Variants in GOLPH3L observed in about 807,000 individuals in gnomAD.
GOLPH3L encodes golgi phosphoprotein 3 like, also known as Golgi phosphoprotein 3-like.
In GOLPH3L, 22 loss-of-function variants were observed where a neutral mutation model predicts 30.3. The ratio of observed to expected loss-of-function variants is 0.73; its 90% confidence interval spans 0.52 to 1.04. The LOEUF is 1.04. Among genes scored for constraint, GOLPH3L ranks in the 50% least tolerant of loss-of-function variants. The pLI, the probability that GOLPH3L is intolerant of heterozygous loss-of-function variation, is 0.00. For synonymous variants in GOLPH3L, 120 were observed against 128.2 expected, an observed-to-expected ratio of 0.94 and a Z score of 0.43; for missense variants, 303 against 345.8, an observed-to-expected ratio of 0.88 and a Z score of 0.98.
At chr1:150,684,557 G>A (rs988862618) in intron 2 of GOLPH3L, among the ~76,000 whole-genome samples, 1 of 152,136 alleles carries the variant, frequency 6.6e-6, no homozygotes, top group Admixed American at 6.5e-5. Context: ...GTATAATAGT[G>A]TCTCCCTCCT....
At chr1:150,671,806 C>CAAAAAA (rs397793655) in intron 2 of GOLPH3L, among the ~76,000 whole-genome samples, 4 of 47,146 alleles carry the variant, frequency 8.5e-5, no homozygotes, top group East Asian at 6.6e-4. Context: ...AACTCCGTCT[C>CAAAAAA]AAAAAAAAAA....
chr1:150,650,504 C>T (rs1239095927), intron 4 of GOLPH3L, among the ~76,000 whole-genome samples: 1 of 152,190 alleles, frequency 6.6e-6, no homozygotes, highest in Admixed American at 6.6e-5. Flanking sequence ...AGGAACCCGG[C>T]TGCACAGCAG....
intron 4 of GOLPH3L, among the ~76,000 whole-genome samples, chr1:150,652,658 T>A (rs1650150668): frequency 6.6e-6 from 1 of 152,068 alleles, no homozygotes; most frequent in African/African-American, 2.4e-5. Flanking sequence ...GGATACTTCA[T>A]CTCAACTGAT....
rs1402350035 is a variant in GOLPH3L, at chr1:150,647,028, T to C, written c.*1293A>G. On this transcript the variant is annotated 3_prime_UTR_variant, in exon 5 of 5. Transcript: ENST00000271732. ...TAAGACTGATGACTAGGAGCACATC[T>C]ATGGATTAAATATAGACAAAACTAC... The C allele has an allele frequency of 3.9e-5, 6 of 152,194 alleles. No individual in the cohort carries two copies. Among genetic ancestry groups the C allele is most frequent in the Non-Finnish European group, 4.4e-5 (3 of 68,040 alleles). The allele number at this position is 152,194 out of a possible 1,614,324, so 9.4% of individuals were successfully genotyped here.
intron 2 of GOLPH3L, 95 bp from the exon 3 acceptor site, chr1:150,663,858 T>A: frequency 1.0e-6 from 1 of 963,366 alleles, no homozygotes; most frequent in Non-Finnish European, 1.6e-6. Context: ...TTGTGATTCG[T>A]TTCACATCAT....
chr1:150,679,713 T>C (rs1045626991), intron 2 of GOLPH3L, among the ~76,000 whole-genome samples: 2 of 152,102 alleles, frequency 1.3e-5, no homozygotes, highest in African/African-American at 2.4e-5. Flanking sequence ...AGTGAGAATA[T>C]CCCTTGAGCC....
intron 4 of GOLPH3L, among the ~76,000 whole-genome samples, chr1:150,654,518 A>AC (rs994752022): frequency 1.3e-5 from 2 of 151,056 alleles, no homozygotes; most frequent in African/African-American, 4.9e-5. Flanking sequence ...AAAAAAAAAA[A>AC]ACAAAAAAAC....
chr1:150,658,142 C>G (rs892558850), intron 4 of GOLPH3L, among the ~76,000 whole-genome samples: 4 of 152,230 alleles, frequency 2.6e-5, no homozygotes, highest in African/African-American at 9.6e-5. Context: ...CCCGAGGACC[C>G]CCCGGTTGCA....
In GOLPH3L at chr1:150,648,240, A is replaced by T; in HGVS notation, c.*81T>A. ...AAAAGGAAACAAAAATGATGAAAAC[A>T]TCTCATCACACAAAACTCAGTGATG... On this transcript the variant is annotated 3_prime_UTR_variant, in exon 5 of 5. Transcript: ENST00000271732. The T allele has an allele frequency of 1.0e-6, 1 of 985,412 alleles. No homozygotes were observed. 61.0% of individuals were successfully genotyped at this position (985,412 alleles called of 1,614,324 possible).
intron 1 of GOLPH3L, among the ~76,000 whole-genome samples, chr1:150,695,447 A>AT (rs1651328945): frequency 6.6e-6 from 1 of 151,884 alleles, no homozygotes; most frequent in African/African-American, 2.4e-5. Flanking sequence ...AAACCTGCTG[A>AT]TTTTTTCTGC....
intron 2 of GOLPH3L, among the ~76,000 whole-genome samples, chr1:150,676,735 C>T (rs587596993): frequency 8.6e-5 from 13 of 151,302 alleles, no homozygotes; most frequent in African/African-American, 2.9e-4. Context: ...CCTCCGCCTC[C>T]CGGGTTCAAG....
chr1:150,696,220 G>T (rs1259648476), intron 1 of GOLPH3L, among the ~76,000 whole-genome samples: 1 of 151,966 alleles, frequency 6.6e-6, no homozygotes, highest in Admixed American at 6.6e-5. Flanking sequence ...CTTTCTTTCT[G>T]CTTCTGCTCC....
intron 2 of GOLPH3L, among the ~76,000 whole-genome samples, chr1:150,689,407 T>C (rs866500016): frequency 6.6e-6 from 1 of 152,200 alleles, no homozygotes; most frequent in Non-Finnish European, 1.5e-5. Flanking sequence ...GTTAATAATC[T>C]ATATCAAAAC....
Position 150,648,576 on chromosome 1 carries a change from T to C in GOLPH3L, c.603A>G (p.Lys201=). ...GCTCTAGTACACTATCTTGAAGTTTTTTCACTAGTCGCTGTTTCTCTGTTG... is the reference window on the plus strand; with the variant it reads ...GCTCTAGTACACTATCTTGAAGTTTCTTCACTAGTCGCTGTTTCTCTGTTG... ...TNTTEKQRLV[K]KLQDSVLERW... is the part of the protein sequence containing the mutation. The change falls in exon 5 of 5, where the codon AAA becomes AAG. Residue 201 remains lysine (K), a synonymous_variant. Coordinates refer to ENST00000271732, the MANE Select transcript of GOLPH3L (RefSeq NM_018178.6). The C allele has an allele frequency of 6.2e-7, 1 of 1,614,116 alleles. No individual in the cohort carries two copies. Among genetic ancestry groups the C allele is most frequent in the Non-Finnish European group, 8.5e-7 (1 of 1,179,976 alleles).
chr1:150,648,653 C>A lies in GOLPH3L; in HGVS notation c.526G>T (p.Glu176Ter). 1 of 1,612,056 alleles carries A rather than the reference C, an allele frequency of 6.2e-7. No individual in the cohort carries two copies. The highest frequency in any genetic ancestry group is 8.5e-7 in the Non-Finnish European group (1 of 1,178,086). Residue 176 changes from glutamate (E) to a stop codon, truncating the protein, a stop_gained, in exon 5 of 5, where the codon GAG becomes TAG. Coordinates refer to ENST00000271732, the MANE Select transcript of GOLPH3L (RefSeq NM_018178.6). LOFTEE classifies it high-confidence loss of function. Reference protein sequence around the residue: ...NLVEKGILTTEKQNFLLFDMT... With the variant: ...NLVEKGILTT ...TCAAATAGCAGGAAATTCTGCTTCT[C>A]AGTGGTTAGAATACCTTTCTCTACT... is the stretch of plus-strand genomic sequence containing the variant.
chr1:150,679,870 T>C (rs1650909394), intron 2 of GOLPH3L, among the ~76,000 whole-genome samples: 2 of 152,140 alleles, frequency 1.3e-5, no homozygotes, highest in South Asian at 4.1e-4. Flanking sequence ...TTTGGGAGAC[T>C]GAAGCAGGCA....
At chr1:150,649,861 G>A (rs954878306) in intron 4 of GOLPH3L, among the ~76,000 whole-genome samples, 45 of 152,130 alleles carry the variant, frequency 3.0e-4, no homozygotes, top group African/African-American at 1.1e-3. Flanking sequence ...GCCGGGTGTG[G>A]TGGTACACGC....
intron 2 of GOLPH3L, among the ~76,000 whole-genome samples, chr1:150,685,758 C>A (rs1461867485): frequency 6.6e-6 from 1 of 151,796 alleles, no homozygotes; most frequent in Non-Finnish European, 1.5e-5. Flanking sequence ...CCATAAGAAT[C>A]TATTCAAGGA....
chr1:150,678,892 A>G (rs911668818), intron 2 of GOLPH3L, among the ~76,000 whole-genome samples: 15 of 152,210 alleles, frequency 9.9e-5, no homozygotes, highest in African/African-American at 3.6e-4. Context: ...CAGAGGTTGC[A>G]GTGAGCCGAG....
Sources: allele counts gnomAD v4.1 joint callset (sites outside exome capture counted in the v4.1 genomes callset), GRCh38; gene constraint gnomAD v4.1.1; transcripts MANE v1.5; gene names NCBI Gene and HGNC (gene_info 2026-07-23, HGNC 2026-07-21).